The following NRG3 variants were observed in gnomAD, a reference collection of about 807,000 sequenced individuals.
NRG3 encodes the protein neuregulin 3.
A neutral mutation model predicts 66.9 loss-of-function variants in NRG3; 31 were observed. That is an observed-to-expected ratio of 0.46 (90% CI 0.35 to 0.63). The LOEUF is 0.63. NRG3 is among the 20% of genes least tolerant of loss of function. NRG3 has a pLI of 0.00. For missense variants in NRG3, 910 were observed against 878.9 expected, an observed-to-expected ratio of 1.04 and a Z score of -0.45; for synonymous variants, 393 against 359.4, an observed-to-expected ratio of 1.09 and a Z score of -1.06.
chr10:82,586,952 G>GTTTTTCATA (rs1486968663), intron 2 of NRG3, among the ~76,000 whole-genome samples: 1 of 152,002 alleles, frequency 6.6e-6, no homozygotes, highest in African/African-American at 2.4e-5. Flanking sequence ...TGTTTTTCAT[G>GTTTTTCATA]TTTTCATGTT....
At chr10:82,212,996 C>T (rs2075477925) in intron 1 of NRG3, among the ~76,000 whole-genome samples, 4 of 152,052 alleles carry the variant, frequency 2.6e-5, no homozygotes, top group African/African-American at 7.2e-5. Flanking sequence ...GTCTTTATTG[C>T]CCAGGCCCTA....
intron 1 of NRG3, among the ~76,000 whole-genome samples, chr10:81,974,258 T>C (rs977411088): frequency 1.3e-5 from 2 of 152,146 alleles, no homozygotes; most frequent in African/African-American, 4.8e-5. Flanking sequence ...TTCTGCTCCA[T>C]TGATCTATGT....
chr10:82,958,753 A>G (rs1850327808), intron 5 of NRG3, among the ~76,000 whole-genome samples, 196 bp from the exon 6 acceptor site: 2 of 152,206 alleles, frequency 1.3e-5, no homozygotes, highest in Non-Finnish European at 2.9e-5. Flanking sequence ...CCTAGAGAAT[A>G]TGGATGATAT....
chr10:82,453,386 T>G (rs2091111671), intron 2 of NRG3, among the ~76,000 whole-genome samples: 1 of 152,136 alleles, frequency 6.6e-6, no homozygotes, highest in Non-Finnish European at 1.5e-5. Context: ...GCTTATGAAG[T>G]CAAATCTTAC....
chr10:82,078,347 A>G (rs866595622), intron 1 of NRG3, among the ~76,000 whole-genome samples: 3 of 152,088 alleles, frequency 2.0e-5, no homozygotes, highest in Non-Finnish European at 4.4e-5. Context: ...TCTACACATT[A>G]TCATTATTAT....
intron 1 of NRG3, among the ~76,000 whole-genome samples, chr10:82,220,809 C>A (rs940968999): frequency 6.6e-6 from 1 of 152,090 alleles, no homozygotes; most frequent in Non-Finnish European, 1.5e-5. Flanking sequence ...GCCTGGACAA[C>A]ATAGTGAAAT....
At chr10:82,722,877 G>C (rs1193543645) in intron 2 of NRG3, among the ~76,000 whole-genome samples, 8 of 152,118 alleles carry the variant, frequency 5.3e-5, no homozygotes. Context: ...TAATAGTATA[G>C]TTAAGAAACA....
chr10:82,703,022 T>G (rs1392902792), intron 2 of NRG3, among the ~76,000 whole-genome samples: 1 of 151,826 alleles, frequency 6.6e-6, no homozygotes, highest in Non-Finnish European at 1.5e-5. Context: ...TTTCTTCTCC[T>G]TCCTTTCTTA....
chr10:82,405,506 G>A (rs1053925598), intron 2 of NRG3, among the ~76,000 whole-genome samples: 1 of 141,160 alleles, frequency 7.1e-6, no homozygotes, highest in Non-Finnish European at 1.5e-5. Context: ...CCAGGCTGGA[G>A]TGTGCAGTGG....
At chr10:82,631,588 GTTT>G (rs59620029) in intron 2 of NRG3, among the ~76,000 whole-genome samples, 1 of 132,388 alleles carries the variant, frequency 7.6e-6, no homozygotes, top group African/African-American at 2.8e-5. Context: ...TTCAGCCGTG[GTTT>G]TTTTTTTTTT....
At chr10:82,836,893 TC>T (rs35689549) in intron 3 of NRG3, among the ~76,000 whole-genome samples, 40,466 of 151,634 alleles carry the variant, frequency 0.27, 6,047 homozygotes, top group African/African-American at 0.4. Context: ...CCCTCCCCAC[TC>T]CCCGCACCCT....
chr10:82,343,867 G>A (rs11193844), intron 1 of NRG3, among the ~76,000 whole-genome samples: 20,076 of 151,900 alleles, frequency 0.13, 2,006 homozygotes, highest in African/African-American at 0.27. Flanking sequence ...GCCCCAGAGG[G>A]ACCTCCAGGA....
chr10:82,814,407 A>G (rs1309263964), intron 3 of NRG3, among the ~76,000 whole-genome samples: 1 of 152,212 alleles, frequency 6.6e-6, no homozygotes, highest in Non-Finnish European at 1.5e-5. Context: ...AATCACTATC[A>G]TTACTAGTAA....
At chr10:82,455,897 C>T (rs1454786471) in intron 2 of NRG3, among the ~76,000 whole-genome samples, 7 of 152,162 alleles carry the variant, frequency 4.6e-5, no homozygotes, top group East Asian at 1.9e-4. Context: ...GGAGTACAGG[C>T]GTGAGCCACG....
In NRG3 at chr10:82,394,186, G is replaced by A. The variant is rs182479013; in HGVS notation, c.953+35318G>A. The stretch of plus-strand genomic sequence containing the variant: ...CAGAGCATTTCCCTTTGGGTTGAGC[G>A]TGAGGGGGCTTCTTCTTCCTCTCTC... On this transcript the variant is annotated intron_variant, in intron 2 of 8. Coordinates refer to ENST00000372141, the MANE Select transcript of NRG3 (RefSeq NM_001010848.4). Among the ~76,000 whole-genome samples, 41 of 152,292 alleles carry A rather than the reference G, an allele frequency of 2.7e-4. 1 individual carries two copies. The highest frequency in any genetic ancestry group is 1.2e-3 in the East Asian group (6 of 5,170).
chr10:82,797,415 G>A (rs1165185440), intron 3 of NRG3, among the ~76,000 whole-genome samples: 2 of 152,092 alleles, frequency 1.3e-5, no homozygotes, highest in Non-Finnish European at 2.9e-5. Context: ...GGTGCCTTTG[G>A]GATGTCTCAC....
chr10:82,231,408 T>A (rs1046422197), intron 1 of NRG3, among the ~76,000 whole-genome samples: 2 of 150,220 alleles, frequency 1.3e-5, no homozygotes, highest in Admixed American at 6.6e-5. Flanking sequence ...AAAAAGGTAA[T>A]AGAAAAACAT....
chr10:82,636,220 CATATGT>C (rs2050183766), intron 2 of NRG3, among the ~76,000 whole-genome samples: 1 of 147,896 alleles, frequency 6.8e-6, no homozygotes, highest in African/African-American at 2.5e-5. Context: ...TGTCTATCTA[CATATGT>C]GTGTGTGTGT....
At chr10:82,946,336 C>T (rs536224908) in intron 4 of NRG3, among the ~76,000 whole-genome samples, 1 of 151,572 alleles carries the variant, frequency 6.6e-6, no homozygotes, top group East Asian at 2.0e-4. Context: ...GTCAAGAGAT[C>T]GAGACTAGCC....
Sources: gnomAD v4.1 joint callset for allele counts (sites outside exome capture counted in the v4.1 genomes callset) on GRCh38, gnomAD v4.1.1 for gene constraint, MANE v1.5 for transcripts, NCBI Gene and HGNC (gene_info 2026-07-23, HGNC 2026-07-21) for gene names.